GRIN2A: variants seen among roughly 807,000 people sequenced by gnomAD.
GRIN2A encodes glutamate ionotropic receptor NMDA type subunit 2A, also known as glutamate receptor ionotropic, NMDA 2A.
GRIN2A carries 22 observed loss-of-function variants against 113.4 expected under a neutral mutation model. The observed-to-expected ratio is 0.19, with a 90% confidence interval of 0.14 to 0.28. The LOEUF is 0.28. Among genes scored for constraint, GRIN2A ranks in the 10% least tolerant of loss-of-function variants. The pLI is 1.00. For missense variants in GRIN2A, 1,502 were observed against 1,887.0 expected, an observed-to-expected ratio of 0.80 and a Z score of 3.78; for synonymous variants, 827 against 738.4, an observed-to-expected ratio of 1.12 and a Z score of -1.94.
chr16:10,081,960 C>T (rs2047993834), intron 2 of GRIN2A, among the ~76,000 whole-genome samples: 1 of 152,190 alleles, frequency 6.6e-6, no homozygotes, highest in Non-Finnish European at 1.5e-5. Flanking sequence ...GGGTTTAGCT[C>T]CACTTCCAAA....
At chr16:10,171,648 C>T (rs1412949367) in intron 2 of GRIN2A, 1 of 152,146 alleles carries the variant, frequency 6.6e-6, no homozygotes, top group African/African-American at 2.4e-5. Context: ...CAGAGCATAC[C>T]CTCATGTAAC....
intron 10 of GRIN2A, among the ~76,000 whole-genome samples, chr16:9,806,166 T>A (rs1415986235): frequency 6.6e-6 from 1 of 152,236 alleles, no homozygotes; most frequent in Non-Finnish European, 1.5e-5. Flanking sequence ...GGGTCAATTC[T>A]TTTGTGTTTA....
intron 10 of GRIN2A, among the ~76,000 whole-genome samples, chr16:9,808,003 GTA>G (rs1184420896): frequency 6.6e-6 from 1 of 152,224 alleles, no homozygotes; most frequent in Non-Finnish European, 1.5e-5. Context: ...CATAGGAACA[GTA>G]TTGGTTCTTT....
intron 4 of GRIN2A, among the ~76,000 whole-genome samples, chr16:9,875,617 A>C (rs1363566192): frequency 1.3e-5 from 2 of 152,230 alleles, no homozygotes; most frequent in Non-Finnish European, 2.9e-5. Flanking sequence ...AATGGAAAGA[A>C]AGTGAGAAGC....
chr16:9,898,545 C>T (rs1451464916), intron 3 of GRIN2A, among the ~76,000 whole-genome samples: 1 of 152,100 alleles, frequency 6.6e-6, no homozygotes, highest in Non-Finnish European at 1.5e-5. Flanking sequence ...AATTCTCTTA[C>T]TGTTTCACAA....
chr16:10,161,366 T>A (rs1099402), intron 2 of GRIN2A, among the ~76,000 whole-genome samples: 43,540 of 152,110 alleles, frequency 0.29, 6,628 homozygotes, highest in South Asian at 0.4. Context: ...AATTACCCAG[T>A]CTTGGGTACG....
chr16:9,769,213 G>C (rs1312627374), intron 11 of GRIN2A, 124 bp from the exon 12 acceptor site: 3 of 759,312 alleles, frequency 4.0e-6, no homozygotes, highest in Non-Finnish European at 4.6e-6. Context: ...AAGTTTCTGA[G>C]TTTGCTGGGT....
Position 9,764,134 on chromosome 16 carries a change from T to A in GRIN2A, c.3410A>T (p.Glu1137Val), listed in dbSNP as rs1296578905. 1 of 1,613,692 alleles carries A rather than the reference T, an allele frequency of 6.2e-7. No homozygotes were observed. The highest frequency in any genetic ancestry group is 1.7e-5 in the Admixed American group (1 of 60,018). Residue 1137 changes from glutamate (E) to valine (V), a missense_variant, in exon 13 of 13, where the codon GAA becomes GTA. Physicochemically the swap from Glu to Val is moderately radical, Grantham distance 121. Coordinates refer to ENST00000330684, the MANE Select transcript of GRIN2A (RefSeq NM_001134407.3). Reference protein sequence around the residue: ...GFHLDPPQFVENVTLPENVDF... With the variant: ...GFHLDPPQFVVNVTLPENVDF... Reference sequence around the variant, plus strand: ...CACGTTCTCGGGCAGGGTCACATTTTCAACAAACTGGGGTGGATCTAAGTG... The same window carrying A: ...CACGTTCTCGGGCAGGGTCACATTTACAACAAACTGGGGTGGATCTAAGTG...
At chr16:10,039,135 C>G (rs969794664) in intron 2 of GRIN2A, among the ~76,000 whole-genome samples, 1 of 152,146 alleles carries the variant, frequency 6.6e-6, no homozygotes, top group Non-Finnish European at 1.5e-5. Context: ...CCTCCCACCC[C>G]CCAATGTCCC....
chr16:9,847,145 C>T (rs1026929810), intron 5 of GRIN2A, among the ~76,000 whole-genome samples: 4 of 151,892 alleles, frequency 2.6e-5, no homozygotes, highest in East Asian at 3.9e-4. Context: ...AATGGAGAGA[C>T]GTTTTTAACC....
At chr16:10,118,563 G>A (rs1342505053) in intron 2 of GRIN2A, among the ~76,000 whole-genome samples, 1 of 152,170 alleles carries the variant, frequency 6.6e-6, no homozygotes, top group Non-Finnish European at 1.5e-5. Flanking sequence ...CCTCTGGTAG[G>A]TAATTAGGAT....
intron 2 of GRIN2A, among the ~76,000 whole-genome samples, chr16:9,979,785 CTATATATATATATA>C (rs71157796): frequency 8.2e-6 from 1 of 122,348 alleles, no homozygotes; most frequent in African/African-American, 2.9e-5. Context: ...GACTATGGGA[CTATATATATATATA>C]TATATATATA....
At chr16:10,179,892 CCACTT>C in intron 2 of GRIN2A, 101 bp downstream of exon 2, 1 of 721,358 alleles carries the variant, frequency 1.4e-6, no homozygotes, top group East Asian at 3.6e-5. Flanking sequence ...ACCCCCACCC[CCACTT>C]CACATCAAGA....
intron 2 of GRIN2A, among the ~76,000 whole-genome samples, chr16:9,967,802 G>T (rs1418209340): frequency 6.6e-6 from 1 of 152,096 alleles, no homozygotes; most frequent in Admixed American, 6.6e-5. Flanking sequence ...GTAGTCTTAG[G>T]TGATGGGTGC....
At chr16:9,811,309 G>A (rs1049118899) in intron 10 of GRIN2A, among the ~76,000 whole-genome samples, 1 of 152,196 alleles carries the variant, frequency 6.6e-6, no homozygotes, top group African/African-American at 2.4e-5. Context: ...TGCTGGCACT[G>A]CTACTCATTA....
intron 11 of GRIN2A, among the ~76,000 whole-genome samples, chr16:9,786,885 C>T (rs889711476): frequency 1.4e-4 from 22 of 152,090 alleles, no homozygotes; most frequent in Admixed American, 3.9e-4. Context: ...GACCAAACTC[C>T]GACCATTTTC....
chr16:9,820,927 C>G (rs2042270727), intron 10 of GRIN2A, among the ~76,000 whole-genome samples: 1 of 152,200 alleles, frequency 6.6e-6, no homozygotes. Context: ...ATAGACTTAA[C>G]TTCTGAATAA....
At chr16:10,119,901 A>G (rs11640421) in intron 2 of GRIN2A, among the ~76,000 whole-genome samples, 128,114 of 151,954 alleles carry the variant, frequency 0.84, 54,810 homozygotes, top group East Asian at 0.92. Context: ...ATGTTGCTGC[A>G]AAGTACATGA....
intron 2 of GRIN2A, among the ~76,000 whole-genome samples, chr16:10,004,161 C>T (rs1419394151): frequency 2.6e-5 from 4 of 151,896 alleles, no homozygotes; most frequent in African/African-American, 7.3e-5. Flanking sequence ...GAGGCTGAGG[C>T]GGGCACATCA....
Sources: allele counts gnomAD v4.1 joint callset (sites outside exome capture counted in the v4.1 genomes callset), GRCh38; gene constraint gnomAD v4.1.1; transcripts MANE v1.5; gene names NCBI Gene and HGNC (gene_info 2026-07-23, HGNC 2026-07-21).